Variants in TYW1B observed in about 807,000 individuals in gnomAD.
TYW1B encodes the protein tRNA-yW synthesizing protein 1 homolog B.
Under a neutral mutation model 86.9 loss-of-function variants are expected in TYW1B, and 73 were observed. The ratio of observed to expected loss-of-function variants is 0.84; its 90% CI spans 0.70 to 1.02. The LOEUF is 1.02. TYW1B is among the 50% of genes least tolerant of loss of function. The pLI, the probability that TYW1B is intolerant of heterozygous loss-of-function variation, is 0.00. For synonymous variants in TYW1B, 248 were observed against 292.8 expected (o/e 0.85, Z 1.56); for missense variants, 637 against 827.4 (o/e 0.77, Z 2.82).
intron 12 of TYW1B, among the ~76,000 whole-genome samples, chr7:72,623,381 G>T (rs1232230913): frequency 1.3e-5 from 2 of 152,080 alleles, no homozygotes; most frequent in South Asian, 2.1e-4. Flanking sequence ...TGACCTTGAG[G>T]TACCATAATA....
chr7:72,632,376 T>TAA (rs1344563944), intron 11 of TYW1B, among the ~76,000 whole-genome samples: 2 of 96,234 alleles, frequency 2.1e-5, no homozygotes, highest in East Asian at 4.3e-4. Flanking sequence ...CGCATATATA[T>TAA]TATATATATA....
chr7:72,622,740 CAA>C (rs1202053993), intron 12 of TYW1B, among the ~76,000 whole-genome samples: 3 of 150,980 alleles, frequency 2.0e-5, no homozygotes, highest in African/African-American at 7.3e-5. Context: ...TGCACACATA[CAA>C]CACACACAAG....
rs115324349 is a variant in TYW1B at position 72,629,061 on chromosome 7, G to A, written c.1507-64C>T. ...TGGATGTCACCTCTTAACCTAGAGGGTTTCTCAAGCTTTTTCAACCCAGAG... is the reference window on the plus strand; with the variant it reads ...TGGATGTCACCTCTTAACCTAGAGGATTTCTCAAGCTTTTTCAACCCAGAG... On this transcript the variant is annotated intron_variant, in intron 11 of 13. Transcript: ENST00000620995. 3.0e-3 allele frequency: 4,522 copies of A among 1,488,062 alleles called. 107 individuals are homozygous for A. In the African/African-American group the frequency reaches 0.053, roughly 18 times the overall value. 92.2% of individuals were successfully genotyped at this position (1,488,062 alleles called of 1,614,324 possible). A position where few individuals can be genotyped will look rare whatever the true frequency, so the allele number is the denominator to read the frequency against.
At chr7:72,757,241 G>A (rs782341264) in intron 7 of TYW1B, among the ~76,000 whole-genome samples, 8 of 152,008 alleles carry the variant, frequency 5.3e-5, no homozygotes, top group Admixed American at 1.3e-4. Context: ...GGTAGCGCGC[G>A]CCTGTAATCC....
chr7:72,718,386 G>A (rs1387241734), intron 9 of TYW1B, among the ~76,000 whole-genome samples: 1 of 152,160 alleles, frequency 6.6e-6, no homozygotes, highest in Non-Finnish European at 1.5e-5. Flanking sequence ...TTTGAGTAAT[G>A]GGTATGCAAG....
chr7:72,638,941 A>G (rs1554441139), intron 11 of TYW1B, among the ~76,000 whole-genome samples: 1 of 152,214 alleles, frequency 6.6e-6, no homozygotes, highest in African/African-American at 2.4e-5. Flanking sequence ...AAAGATACCA[A>G]AAGGACTCAA....
chr7:72,804,284 CAAAAAAAA>C (rs797037230), intron 5 of TYW1B, among the ~76,000 whole-genome samples: 1 of 70,844 alleles, frequency 1.4e-5, no homozygotes, highest in Admixed American at 1.6e-4. Flanking sequence ...GACTCCATCT[CAAAAAAAA>C]AAAAAAAGAA....
At chr7:72,685,020 G>A (rs1554449032) in intron 11 of TYW1B, among the ~76,000 whole-genome samples, 1 of 151,620 alleles carries the variant, frequency 6.6e-6, no homozygotes, top group African/African-American at 2.4e-5. Flanking sequence ...GCTGAGATAG[G>A]CAAATTGCTT....
At chr7:72,676,356 C>T (rs1424112112) in intron 11 of TYW1B, among the ~76,000 whole-genome samples, 1 of 152,182 alleles carries the variant, frequency 6.6e-6, no homozygotes, top group African/African-American at 2.4e-5. Flanking sequence ...CAGATGTTAG[C>T]TATTAGAGCT....
At chr7:72,772,449 C>T (rs1253349670) in intron 7 of TYW1B, among the ~76,000 whole-genome samples, 1 of 152,054 alleles carries the variant, frequency 6.6e-6, no homozygotes, top group African/African-American at 2.4e-5. Flanking sequence ...AGATGAAGAA[C>T]CAGATGTCAG....
At chr7:72,731,029 G>C (rs189923772) in intron 8 of TYW1B, among the ~76,000 whole-genome samples, 1 of 145,890 alleles carries the variant, frequency 6.9e-6, no homozygotes, top group Non-Finnish European at 1.5e-5. Flanking sequence ...AAAGCATCAC[G>C]TCACATGTAA....
At chr7:72,623,461 G>A (rs1276637810) in intron 12 of TYW1B, among the ~76,000 whole-genome samples, 5 of 152,080 alleles carry the variant, frequency 3.3e-5, no homozygotes, top group Admixed American at 6.6e-5. Flanking sequence ...CCAAGCGCAC[G>A]GGTACAGAAC....
Position 72,694,831 on chromosome 7 carries a change from T to C in TYW1B, c.1371-9A>G, listed in dbSNP as rs1585908822. 1.0e-6 allele frequency: 1 copy of C among 987,734 alleles called. No individual in the cohort carries two copies. The highest frequency in any genetic ancestry group is 1.3e-6 in the Non-Finnish European group (1 of 749,364). The allele number at this position is 987,734 out of a possible 1,614,324, so 61.2% of individuals were successfully genotyped here. ...TAACTGGCTCGAGGTTCCTTAGTAA[T>C]TTTTTTTTTTAAAGGAAGAAAGAAA... On this transcript the variant is annotated splice_polypyrimidine_tract_variant and intron_variant, in intron 10 of 13. Transcript: ENST00000620995.
At chr7:72,647,240 C>T (rs1371328403) in intron 11 of TYW1B, among the ~76,000 whole-genome samples, 1 of 152,006 alleles carries the variant, frequency 6.6e-6, no homozygotes, top group African/African-American at 2.4e-5. Flanking sequence ...CATATTTGTT[C>T]GTTGACGGTG....
At chr7:72,825,614 G>T (rs547750961) in intron 2 of TYW1B, among the ~76,000 whole-genome samples, 53 of 152,286 alleles carry the variant, frequency 3.5e-4, no homozygotes, top group African/African-American at 1.2e-3. Flanking sequence ...GGAGGTGGAG[G>T]TTGCAGTGAG....
At chr7:72,705,117 C>T (rs1165832287) in intron 10 of TYW1B, among the ~76,000 whole-genome samples, 4 of 152,170 alleles carry the variant, frequency 2.6e-5, no homozygotes, top group African/African-American at 9.7e-5. Context: ...AAAGAAACTT[C>T]TATTGAAAGA....
rs554498342 is a variant in TYW1B at position 72,590,865 on chromosome 7, T to C, written c.1786-15146A>G. Among the ~76,000 whole-genome samples the C allele has an allele frequency of 1.1e-4, 16 of 152,182 alleles. No individual in the cohort carries two copies. In the East Asian group the frequency reaches 1.4e-3, roughly 13 times the overall value. On this transcript the variant is annotated intron_variant, in intron 13 of 13. Transcript: ENST00000620995. The stretch of plus-strand genomic sequence containing the variant: ...AACAGAAACTGACCCTGAGAAAGGG[T>C]AGATGGCAGATCCACTAGAAACAGA...
At chr7:72,825,690 A>C (rs1178740062) in intron 2 of TYW1B, among the ~76,000 whole-genome samples, 2 of 152,184 alleles carry the variant, frequency 1.3e-5, no homozygotes, top group Non-Finnish European at 2.9e-5. Flanking sequence ...AAAACAAAAT[A>C]AAAAATAAAC....
In TYW1B at chr7:72,817,126, G is replaced by A. The variant is rs561002283; in HGVS notation, c.136-1645C>T. On this transcript the variant is annotated intron_variant, in intron 2 of 13. Transcript: ENST00000620995. ...GGTATAGAAAAAGGACAGGTTGGCC[G>A]GGCGTGGTGGCTCACACCTGTAATC... Among the ~76,000 whole-genome samples, 8 of 152,202 alleles carry A rather than the reference G, an allele frequency of 5.3e-5. No homozygotes were observed. The East Asian group carries it at 5.8e-4, about 11-fold the overall frequency.
Sources: allele counts gnomAD v4.1 joint callset (sites outside exome capture counted in the v4.1 genomes callset), GRCh38; gene constraint gnomAD v4.1.1; transcripts MANE v1.5; gene names NCBI Gene and HGNC (gene_info 2026-07-23, HGNC 2026-07-21).